The following PCDH11X variants were observed in gnomAD, a reference collection of about 807,000 sequenced individuals.
PCDH11X encodes protocadherin 11 X-linked.
In PCDH11X, 18 loss-of-function variants were observed where a neutral mutation model predicts 53.3. The observed-to-expected ratio is 0.34, with a 90% CI of 0.23 to 0.50. The LOEUF (loss-of-function observed/expected upper bound fraction) is 0.50, where lower values mean the gene tolerates loss of function less well. Among genes scored for constraint, PCDH11X ranks in the 20% least tolerant of loss-of-function variants. PCDH11X has a pLI of 0.98. For missense variants in PCDH11X, 570 were observed against 1,032.4 expected (o/e 0.55, Z 6.14); for synonymous variants, 279 against 393.3 (o/e 0.71, Z 3.44).
In PCDH11X at chrX:92,428,394, G is replaced by A. The variant is rs769911737; in HGVS notation, c.3344-39905G>A. On this transcript the variant is annotated intron_variant, in intron 9 of 10. Transcript: ENST00000682573. The stretch of plus-strand genomic sequence containing the variant: ...TTATTGCTTGAAGATAATAGAGTAA[G>A]GCAGGAGCATGTGCAAGGCAAAAGT... Among the ~76,000 whole-genome samples the A allele has an allele frequency of 2.1e-3, 231 of 111,036 alleles. 2 individuals carry two copies. The highest frequency in any genetic ancestry group is 7.5e-3 in the African/African-American group (229 of 30,558).
intron 4 of PCDH11X, among the ~76,000 whole-genome samples, chrX:91,822,953 G>T (rs1252665648): frequency 5.4e-5 from 6 of 110,398 alleles, no homozygotes; most frequent in Non-Finnish European, 1.1e-4. Context: ...TTCAGGAGCA[G>T]GTTGTTCAGT....
At chrX:91,794,017 T>A (rs1227266565) in intron 1 of PCDH11X, among the ~76,000 whole-genome samples, 1 of 111,670 alleles carries the variant, frequency 9.0e-6, no homozygotes, top group Non-Finnish European at 1.9e-5. Flanking sequence ...GTTTCTTTAG[T>A]GAATACCATG....
At chrX:91,855,107 T>C (rs1442340736) in intron 5 of PCDH11X, among the ~76,000 whole-genome samples, 1 of 112,152 alleles carries the variant, frequency 8.9e-6, no homozygotes, top group Non-Finnish European at 1.9e-5. Context: ...TCCAATGTTT[T>C]CTTGTATGGT....
chrX:92,151,705 A>G (rs1340134258), intron 6 of PCDH11X, among the ~76,000 whole-genome samples: 2 of 111,481 alleles, frequency 1.8e-5, no homozygotes, highest in Middle Eastern at 4.9e-3. Flanking sequence ...TTATCGTTAC[A>G]TATATTTTAT....
chrX:91,967,276 T>C (rs1209834355), intron 6 of PCDH11X, among the ~76,000 whole-genome samples: 24 of 110,079 alleles, frequency 2.2e-4, no homozygotes, highest in African/African-American at 7.9e-4. Flanking sequence ...CCCCAAACCG[T>C]GGGCCATGGA....
chrX:91,813,517 A>G (rs1936355735), intron 4 of PCDH11X, among the ~76,000 whole-genome samples: 1 of 103,952 alleles, frequency 9.6e-6, no homozygotes. Context: ...TGAAGAGGAG[A>G]GGTCATGGAT....
intron 10 of PCDH11X, among the ~76,000 whole-genome samples, chrX:92,481,111 GCTGTTCT>G (rs773119261): frequency 2.7e-5 from 3 of 111,134 alleles, no homozygotes; most frequent in African/African-American, 9.8e-5. Context: ...GTGAGGGTCT[GCTGTTCT>G]CTGTTCCTAG....
chrX:92,008,470 C>T (rs2062636986), intron 6 of PCDH11X, among the ~76,000 whole-genome samples: 1 of 111,012 alleles, frequency 9.0e-6, no homozygotes, highest in Admixed American at 9.6e-5. Flanking sequence ...TGTGTTTTCT[C>T]TCCTTCGGTG....
intron 6 of PCDH11X, among the ~76,000 whole-genome samples, chrX:91,889,835 C>T (rs185482742): frequency 1.8e-4 from 20 of 109,684 alleles, no homozygotes; most frequent in Admixed American, 1.7e-3. Context: ...GTTTCATTTT[C>T]GATAGAAAAA....
At chrX:91,885,667 A>T (rs1370093675) in intron 6 of PCDH11X, among the ~76,000 whole-genome samples, 1 of 111,520 alleles carries the variant, frequency 9.0e-6, no homozygotes, top group African/African-American at 3.3e-5. Flanking sequence ...TTTCCTTCAT[A>T]ACTGTAATGA....
chrX:92,047,370 T>C lies in PCDH11X; in HGVS notation c.3034-154005T>C, dbSNP rs1293649138. Among the ~76,000 whole-genome samples the C allele has an allele frequency of 1.8e-4, 19 of 105,065 alleles. 1 individual carries two copies. In the Admixed American group the frequency reaches 1.8e-3, roughly 10 times the overall value. 91.2% of individuals were successfully genotyped at this position (105,065 alleles called of 115,157 possible). On this transcript the variant is annotated intron_variant, in intron 6 of 10. Transcript: ENST00000682573. ...AGGGTTCTACTGCAGTGATTCTTTTTATGCCTTGATAGACCTTGTTTTATA... is the reference window on the plus strand; with the variant it reads ...AGGGTTCTACTGCAGTGATTCTTTTCATGCCTTGATAGACCTTGTTTTATA...
intron 6 of PCDH11X, among the ~76,000 whole-genome samples, chrX:91,895,110 G>C (rs1940688261): frequency 9.0e-6 from 1 of 111,027 alleles, no homozygotes; most frequent in Non-Finnish European, 1.9e-5. Flanking sequence ...TTCTGATCAT[G>C]TTCCCTTATA....
chrX:92,355,268 A>G (rs1234204563), intron 8 of PCDH11X, among the ~76,000 whole-genome samples: 2 of 74,479 alleles, frequency 2.7e-5, no homozygotes, highest in Non-Finnish European at 4.7e-5. Context: ...TCTACTAAAA[A>G]TACAAAAAAT....
intron 6 of PCDH11X, among the ~76,000 whole-genome samples, chrX:92,067,279 TATA>T: frequency 9.1e-6 from 1 of 110,465 alleles, no homozygotes; most frequent in Non-Finnish European, 1.9e-5. Flanking sequence ...CCCCATTAAC[TATA>T]ATATTAGACT....
intron 6 of PCDH11X, among the ~76,000 whole-genome samples, chrX:92,145,331 C>A (rs1042468136): frequency 9.0e-6 from 1 of 110,579 alleles, no homozygotes; most frequent in Non-Finnish European, 1.9e-5. Flanking sequence ...TATTTATTTT[C>A]TTTTTTATGA....
intron 9 of PCDH11X, among the ~76,000 whole-genome samples, chrX:92,419,971 C>A (rs1373580675): frequency 9.0e-6 from 1 of 111,141 alleles, no homozygotes; most frequent in Admixed American, 9.6e-5. Context: ...TGAGCCACCA[C>A]GCCCAGCCTC....
At chrX:92,446,489 C>T (rs1456257520) in intron 9 of PCDH11X, among the ~76,000 whole-genome samples, 1 of 110,743 alleles carries the variant, frequency 9.0e-6, no homozygotes, top group Non-Finnish European at 1.9e-5. Context: ...GAATGAGTCT[C>T]ACAAGATCTG....
At chrX:92,515,061 A>G (rs1387347642) in intron 10 of PCDH11X, among the ~76,000 whole-genome samples, 6 of 86,430 alleles carry the variant, frequency 6.9e-5, no homozygotes, top group East Asian at 4.0e-4. Context: ...AAAAAAAAAA[A>G]AAGAAAAGAA....
intron 4 of PCDH11X, among the ~76,000 whole-genome samples, chrX:91,822,053 A>G (rs1936706807): frequency 9.3e-6 from 1 of 107,707 alleles, no homozygotes; most frequent in Non-Finnish European, 1.9e-5. Flanking sequence ...AAGCTTTTTG[A>G]TGTGCTGCTG....
Sources: gnomAD v4.1 joint callset for allele counts (sites outside exome capture counted in the v4.1 genomes callset) on GRCh38, gnomAD v4.1.1 for gene constraint, MANE v1.5 for transcripts, NCBI Gene and HGNC (gene_info 2026-07-23, HGNC 2026-07-21) for gene names.